The following CACHD1 variants were observed in gnomAD, a reference collection of about 807,000 sequenced individuals.
The protein encoded by CACHD1 is VWFA and cache domain-containing protein 1.
Under a neutral mutation model 138.7 loss-of-function variants are expected in CACHD1, and 71 were observed. That is an observed-to-expected ratio of 0.51 (90% CI 0.42 to 0.62). CACHD1 has a LOEUF of 0.62. Ranked by LOEUF, CACHD1 falls within the 20% of genes least tolerant of loss-of-function variation. The pLI is 0.00. For missense variants in CACHD1, 1,389 were observed against 1,625.3 expected (o/e 0.85, Z 2.50); for synonymous variants, 578 against 591.5 (o/e 0.98, Z 0.33).
chr1:64,646,152 C>A (rs753666525), intron 8 of CACHD1, among the ~76,000 whole-genome samples: 1 of 152,222 alleles, frequency 6.6e-6, no homozygotes, highest in Non-Finnish European at 1.5e-5. Flanking sequence ...GAGACTCAAG[C>A]AATACATGAC....
intron 1 of CACHD1, among the ~76,000 whole-genome samples, chr1:64,472,804 C>T (rs1189473036): frequency 6.6e-6 from 1 of 152,080 alleles, no homozygotes; most frequent in African/African-American, 2.4e-5. Flanking sequence ...AGGCACTTGC[C>T]ACCTTCACTC....
At chr1:64,544,630 CTTTT>C (rs34385450) in intron 1 of CACHD1, among the ~76,000 whole-genome samples, 4 of 146,386 alleles carry the variant, frequency 2.7e-5, no homozygotes, top group African/African-American at 1.0e-4. Context: ...AGATGTTTGT[CTTTT>C]TTTTTTTTCT....
intron 16 of CACHD1, among the ~76,000 whole-genome samples, chr1:64,668,339 AAAG>A (rs1389212856): frequency 2.5e-3 from 382 of 151,158 alleles, no homozygotes; most frequent in African/African-American, 8.7e-3. Flanking sequence ...AAAAAAAAAA[AAAG>A]AAAAAGAAAA....
At position 64,676,924 on chromosome 1, in the gene CACHD1, C is replaced by T. The variant is rs771998948; in HGVS notation, c.3005C>T (p.Pro1002Leu). 6.8e-6 allele frequency: 11 copies of T among 1,613,568 alleles called. No individual in the cohort carries two copies. The highest frequency in any genetic ancestry group is 6.7e-5 in the Admixed American group (4 of 59,958). Residue 1002 changes from proline to leucine, a missense_variant, in exon 22 of 27, where the codon CCG (proline) becomes CTG (leucine). By Grantham distance (98) the Pro-to-Leu change is moderately conservative. Transcript: ENST00000651257. ...RNPSCEVHQE[P>L]VTYTAIDPGL... The stretch of plus-strand genomic sequence containing the variant: ...CCCAGCTGCGAGGTCCACCAGGAGC[C>T]GGTGACATACACAGCTATTGACCCT...
At chr1:64,687,302 G>A (rs532027388) in intron 26 of CACHD1, among the ~76,000 whole-genome samples, 25 of 152,142 alleles carry the variant, frequency 1.6e-4, no homozygotes, top group Non-Finnish European at 2.9e-4. Context: ...ATACGAAAAT[G>A]TGTTTGTCTT....
intron 1 of CACHD1, among the ~76,000 whole-genome samples, chr1:64,487,256 C>CA (rs1646248022): frequency 6.6e-6 from 1 of 152,138 alleles, no homozygotes; most frequent in Non-Finnish European, 1.5e-5. Flanking sequence ...GGCTCTGTCA[C>CA]CCCCTGGCTG....
chr1:64,520,951 A>C (rs957026453), intron 1 of CACHD1, among the ~76,000 whole-genome samples: 8 of 152,236 alleles, frequency 5.3e-5, no homozygotes, highest in African/African-American at 1.4e-4. Context: ...TCTGCAGGTA[A>C]GGCTTTCCTA....
At chr1:64,492,222 T>A (rs1646280503) in intron 1 of CACHD1, among the ~76,000 whole-genome samples, 1 of 150,184 alleles carries the variant, frequency 6.7e-6, no homozygotes, top group Admixed American at 6.7e-5. Context: ...AAGAAATTAT[T>A]CTATACCTGC....
intron 1 of CACHD1, among the ~76,000 whole-genome samples, chr1:64,520,236 A>G (rs879394294): frequency 2.0e-5 from 3 of 152,200 alleles, no homozygotes; most frequent in Non-Finnish European, 4.4e-5. Context: ...GGGTAGAGGT[A>G]TTTCTAGAAT....
At chr1:64,656,678 T>C (rs1386760724) in intron 12 of CACHD1, among the ~76,000 whole-genome samples, 1 of 152,178 alleles carries the variant, frequency 6.6e-6, no homozygotes, top group East Asian at 1.9e-4. Flanking sequence ...TTCGAGGTAG[T>C]AATCAGGTAG....
intron 1 of CACHD1, among the ~76,000 whole-genome samples, chr1:64,490,584 A>T (rs1375315297): frequency 6.6e-6 from 1 of 152,166 alleles, no homozygotes; most frequent in Non-Finnish European, 1.5e-5. Context: ...CAGACATCTG[A>T]GGGGAGAGAA....
intron 26 of CACHD1, among the ~76,000 whole-genome samples, chr1:64,684,363 C>CTTTTTTT (rs397980387): frequency 1.0e-3 from 55 of 54,928 alleles, no homozygotes; most frequent in African/African-American, 1.8e-3. Flanking sequence ...TCTTCTTCTT[C>CTTTTTTT]TTTTTTTTTT....
chr1:64,676,768 G>A, intron 21 of CACHD1, 127 bp from the exon 22 acceptor site: 1 of 685,592 alleles, frequency 1.5e-6, no homozygotes. Flanking sequence ...ATTGATACAA[G>A]GTTACACACT....
intron 2 of CACHD1, among the ~76,000 whole-genome samples, chr1:64,564,844 C>T (rs1163500303): frequency 6.6e-6 from 1 of 152,116 alleles, no homozygotes; most frequent in Admixed American, 6.6e-5. Flanking sequence ...TGTATTTCTA[C>T]TCCCAAACAC....
chr1:64,619,977 A>C (rs1381632916), intron 4 of CACHD1, among the ~76,000 whole-genome samples: 1 of 152,242 alleles, frequency 6.6e-6, no homozygotes, highest in Non-Finnish European at 1.5e-5. Context: ...TCAAAAATAT[A>C]TAAGCAAAAT....
intron 6 of CACHD1, among the ~76,000 whole-genome samples, chr1:64,633,187 C>T (rs1648375619): frequency 6.6e-6 from 1 of 152,168 alleles, no homozygotes; most frequent in Admixed American, 6.5e-5. Flanking sequence ...AGCTTCACTG[C>T]CTGCCTATCG....
intron 1 of CACHD1, among the ~76,000 whole-genome samples, chr1:64,516,410 C>T (rs946983794): frequency 5.3e-5 from 8 of 152,138 alleles, no homozygotes; most frequent in Admixed American, 1.3e-4. Flanking sequence ...TGGAACCTGT[C>T]GTACTGCCTA....
chr1:64,526,530 C>T (rs571041746), intron 1 of CACHD1, among the ~76,000 whole-genome samples: 28 of 152,134 alleles, frequency 1.8e-4, no homozygotes, highest in Admixed American at 1.7e-3. Flanking sequence ...GCTGATTGCT[C>T]CATAACAGGG....
intron 4 of CACHD1, among the ~76,000 whole-genome samples, chr1:64,625,951 G>A (rs1308889115): frequency 1.3e-5 from 2 of 152,138 alleles, no homozygotes; most frequent in Admixed American, 1.3e-4. Context: ...TGTTTGCTAA[G>A]TCGAGATGTT....
Sources: allele counts gnomAD v4.1 joint callset (sites outside exome capture counted in the v4.1 genomes callset), GRCh38; gene constraint gnomAD v4.1.1; transcripts MANE v1.5; gene names NCBI Gene and HGNC (gene_info 2026-07-23, HGNC 2026-07-21).